Variants in SORCS3 observed in about 807,000 individuals in gnomAD.
SORCS3 encodes sortilin related VPS10 domain containing receptor 3, also known as VPS10 domain-containing receptor SorCS3.
In SORCS3, 57 loss-of-function variants were observed where a neutral mutation model predicts 146.3. That is an observed-to-expected ratio of 0.39 (90% CI 0.31 to 0.49). SORCS3 has a LOEUF of 0.49. Among genes scored for constraint, SORCS3 ranks in the 20% least tolerant of loss-of-function variants. SORCS3 has a pLI of 0.92. For synonymous variants in SORCS3, 653 were observed against 618.5 expected, an observed-to-expected ratio of 1.06 and a Z score of -0.83; for missense variants, 1,341 against 1,575.5, an observed-to-expected ratio of 0.85 and a Z score of 2.52.
intron 2 of SORCS3, among the ~76,000 whole-genome samples, chr10:104,914,651 AAAGGTTAT>A (rs1254730264): frequency 1.3e-5 from 2 of 152,204 alleles, no homozygotes; most frequent in African/African-American, 4.8e-5. Flanking sequence ...AAAAAAAGAC[AAAGGTTAT>A]ATAGTTTTAA....
intron 1 of SORCS3, among the ~76,000 whole-genome samples, chr10:104,826,056 T>C (rs1187546844): frequency 6.6e-6 from 1 of 152,190 alleles, no homozygotes; most frequent in Non-Finnish European, 1.5e-5. Context: ...CTCCCTTGGA[T>C]CCCCTTGGAA....
At chr10:104,957,854 C>A (rs1446047866) in intron 3 of SORCS3, among the ~76,000 whole-genome samples, 1 of 152,122 alleles carries the variant, frequency 6.6e-6, no homozygotes, top group Non-Finnish European at 1.5e-5. Context: ...GTCCCCTCCT[C>A]TTCTGCGTCA....
At chr10:104,803,917 A>G (rs963265510) in intron 1 of SORCS3, among the ~76,000 whole-genome samples, 2 of 152,140 alleles carry the variant, frequency 1.3e-5, no homozygotes, top group Non-Finnish European at 2.9e-5. Flanking sequence ...CCAGCTCCCT[A>G]CTAAAGGCTG....
chr10:105,083,803 C>T (rs1259487260), intron 5 of SORCS3, among the ~76,000 whole-genome samples: 3 of 152,140 alleles, frequency 2.0e-5, no homozygotes, highest in Non-Finnish European at 4.4e-5. Context: ...AAAATGTATA[C>T]AGAATGCATT....
At chr10:105,062,709 G>T (rs1340236865) in intron 5 of SORCS3, among the ~76,000 whole-genome samples, 1 of 152,162 alleles carries the variant, frequency 6.6e-6, no homozygotes, top group Non-Finnish European at 1.5e-5. Context: ...ATTATAAAAA[G>T]AACAAAACCT....
At chr10:105,112,727 G>A (rs1401219536) in intron 7 of SORCS3, among the ~76,000 whole-genome samples, 2 of 152,166 alleles carry the variant, frequency 1.3e-5, no homozygotes, top group African/African-American at 4.8e-5. Flanking sequence ...GCATTCCACT[G>A]ACAGATGCTT....
intron 5 of SORCS3, among the ~76,000 whole-genome samples, chr10:105,072,063 G>A (rs898905678): frequency 3.3e-5 from 5 of 152,256 alleles, no homozygotes; most frequent in African/African-American, 1.2e-4. Flanking sequence ...TTTTAAGCAG[G>A]ATATTACTGA....
intron 5 of SORCS3, among the ~76,000 whole-genome samples, chr10:105,058,402 C>G (rs568974049): frequency 6.6e-6 from 1 of 152,236 alleles, no homozygotes; most frequent in East Asian, 1.9e-4. Flanking sequence ...TAACGAGTGT[C>G]ATGGAAGGAT....
At chr10:104,882,733 A>C (rs564657706) in intron 2 of SORCS3, among the ~76,000 whole-genome samples, 2 of 152,200 alleles carry the variant, frequency 1.3e-5, no homozygotes, top group Non-Finnish European at 2.9e-5. Context: ...GATACAGCCC[A>C]GTCCTCTTGC....
intron 26 of SORCS3, 92 bp from the exon 27 acceptor site, chr10:105,263,218 G>C: frequency 8.2e-7 from 1 of 1,214,328 alleles, no homozygotes; most frequent in Admixed American, 1.9e-5. Flanking sequence ...CACCTGTTCT[G>C]GGTGGCTTGG....
At chr10:105,183,214 G>A (rs372197628) in intron 14 of SORCS3, among the ~76,000 whole-genome samples, 5 of 152,182 alleles carry the variant, frequency 3.3e-5, no homozygotes, top group African/African-American at 9.7e-5. Flanking sequence ...TTTGGCTAGG[G>A]CCAATTGCCT....
intron 1 of SORCS3, among the ~76,000 whole-genome samples, chr10:104,733,249 C>T (rs1474167813): frequency 6.6e-6 from 1 of 152,200 alleles, no homozygotes; most frequent in Non-Finnish European, 1.5e-5. Context: ...AAGGGACCTG[C>T]ACAAGGCCAC....
At chr10:105,007,462 C>A (rs963301877) in intron 4 of SORCS3, among the ~76,000 whole-genome samples, 2 of 152,054 alleles carry the variant, frequency 1.3e-5, no homozygotes, top group African/African-American at 4.8e-5. Flanking sequence ...ATCACTCATC[C>A]TCCTCCCAGA....
At chr10:104,799,658 C>T (rs1054810695) in intron 1 of SORCS3, among the ~76,000 whole-genome samples, 2 of 151,718 alleles carry the variant, frequency 1.3e-5, no homozygotes, top group Non-Finnish European at 2.9e-5. Context: ...CAAAACTGCA[C>T]GTTCTGCACA....
intron 16 of SORCS3, among the ~76,000 whole-genome samples, chr10:105,208,709 A>G (rs184850523): frequency 1.6e-3 from 241 of 151,780 alleles, no homozygotes; most frequent in African/African-American, 5.6e-3. Flanking sequence ...TTGTAATATA[A>G]TTTATGTAAT....
chr10:105,179,426 C>G (rs1277786942), intron 14 of SORCS3, among the ~76,000 whole-genome samples: 1 of 152,176 alleles, frequency 6.6e-6, no homozygotes, highest in African/African-American at 2.4e-5. Context: ...TTTTCCTTTC[C>G]TCCTGGCCAA....
intron 16 of SORCS3, among the ~76,000 whole-genome samples, chr10:105,207,382 C>T (rs1410864880): frequency 4.0e-5 from 6 of 151,602 alleles, no homozygotes; most frequent in East Asian, 1.9e-4. Flanking sequence ...TGCAGGTTCC[C>T]GGAAATGAAA....
chr10:104,943,378 G>A (rs550956691), intron 3 of SORCS3, among the ~76,000 whole-genome samples: 4 of 152,156 alleles, frequency 2.6e-5, no homozygotes, highest in South Asian at 2.1e-4. Flanking sequence ...CACCTGCCTC[G>A]GTCTCCCAAA....
chr10:104,752,316 A>G (rs928515364), intron 1 of SORCS3, among the ~76,000 whole-genome samples: 16 of 152,164 alleles, frequency 1.1e-4, no homozygotes, highest in Admixed American at 7.2e-4. Flanking sequence ...GATTACAGGC[A>G]TGAGCCACCG....
Sources: allele counts gnomAD v4.1 joint callset (sites outside exome capture counted in the v4.1 genomes callset), GRCh38; gene constraint gnomAD v4.1.1; transcripts MANE v1.5; gene names NCBI Gene and HGNC (gene_info 2026-07-23, HGNC 2026-07-21).